Variants in DLC1 observed in about 807,000 individuals in gnomAD.
DLC1 encodes DLC1 Rho GTPase activating protein.
Under a neutral mutation model 140.3 loss-of-function variants are expected in DLC1, and 54 were observed. The ratio of observed to expected loss-of-function variants is 0.38; its 90% CI spans 0.31 to 0.48. DLC1 has a LOEUF of 0.48. Among genes scored for constraint, DLC1 ranks in the 20% least tolerant of loss-of-function variants. DLC1 has a pLI of 0.96. For missense variants in DLC1, 2,536 were observed against 1,907.0 expected (o/e 1.33, Z -6.14); for synonymous variants, 986 against 728.1 (o/e 1.35, Z -5.70).
chr8:13,328,797 G>C (rs1833474480), intron 4 of DLC1, among the ~76,000 whole-genome samples: 1 of 151,894 alleles, frequency 6.6e-6, no homozygotes, highest in South Asian at 2.1e-4. Context: ...GGGAAGACCA[G>C]AAAAGTGTGA....
At chr8:13,281,018 A>G (rs1831348496) in intron 5 of DLC1, among the ~76,000 whole-genome samples, 1 of 152,200 alleles carries the variant, frequency 6.6e-6, no homozygotes, top group Non-Finnish European at 1.5e-5. Flanking sequence ...TCCACTGTGT[A>G]GGTATCCAAT....
chr8:13,441,203 G>A (rs1315382529), intron 2 of DLC1, among the ~76,000 whole-genome samples: 3 of 152,118 alleles, frequency 2.0e-5, no homozygotes, highest in Non-Finnish European at 4.4e-5. Flanking sequence ...TTGATGGGAC[G>A]TATCTCAAAA....
chr8:13,453,408 A>ATATATATATATATATATATATGTG (rs1563359524), intron 2 of DLC1, among the ~76,000 whole-genome samples: 5 of 52,346 alleles, frequency 9.6e-5, no homozygotes, highest in African/African-American at 3.6e-4. Context: ...ATATGTGTAT[A>ATATATATATATATATATATATGTG]TATATATATA....
intron 4 of DLC1, among the ~76,000 whole-genome samples, chr8:13,349,072 C>T (rs758803181): frequency 1.1e-4 from 16 of 152,174 alleles, no homozygotes; most frequent in South Asian, 2.1e-4. Context: ...ATTTCCTGTC[C>T]GCCAATTCAA....
At chr8:13,118,023 T>G (rs1254646591) in intron 5 of DLC1, among the ~76,000 whole-genome samples, 3 of 83,152 alleles carry the variant, frequency 3.6e-5, no homozygotes, top group African/African-American at 9.8e-5. Flanking sequence ...TTTTTTTTTT[T>G]TTTTGAGACA....
At chr8:13,544,114 T>C (rs533475928) in intron 1 of DLC1, among the ~76,000 whole-genome samples, 1 of 152,240 alleles carries the variant, frequency 6.6e-6, no homozygotes, top group Admixed American at 6.6e-5. Flanking sequence ...GCATCCCATG[T>C]ATAATATATA....
intron 4 of DLC1, among the ~76,000 whole-genome samples, chr8:13,386,859 T>C (rs973915811): frequency 1.3e-5 from 2 of 152,042 alleles, no homozygotes; most frequent in Non-Finnish European, 2.9e-5. Context: ...TTTTGCCTAT[T>C]TTTCTTTCTA....
Position 13,479,802 on chromosome 8 carries a change from A to AAAGAAGAAGAAGAAGAAGAAG in DLC1, c.1023+19226_1023+19246dup, listed in dbSNP as rs60625191. On this transcript the variant is annotated intron_variant, in intron 2 of 17. Transcript: ENST00000276297. ...AAAAGAAAAGGAAAAGAAAGAAAGA[A>AAAGAAGAAGAAGAAGAAGAAG]AAGAAGAAGAAGAAGAAGAAGAAGA... is the stretch of plus-strand genomic sequence containing the variant. Among the ~76,000 whole-genome samples, 94 of 56,994 alleles carry AAAGAAGAAGAAGAAGAAGAAG rather than the reference A, an allele frequency of 1.6e-3. 1 individual carries two copies. Among genetic ancestry groups the AAAGAAGAAGAAGAAGAAGAAG allele is most frequent in the East Asian group, 0.01 (37 of 3,524 alleles). The allele number at this position is 56,994 out of a possible 152,430, so 37.4% of individuals were successfully genotyped here. A position where few individuals can be genotyped will look rare whatever the true frequency, so the allele number is the denominator to read the frequency against.
intron 1 of DLC1, among the ~76,000 whole-genome samples, chr8:13,581,575 A>T (rs142116380): frequency 1.3e-5 from 2 of 152,312 alleles, no homozygotes; most frequent in African/African-American, 4.8e-5. Flanking sequence ...AGGTCTTTAT[A>T]TCCACTGTCA....
chr8:13,500,727 G>T (rs1408244485), intron 1 of DLC1, among the ~76,000 whole-genome samples: 3 of 152,176 alleles, frequency 2.0e-5, no homozygotes, highest in Admixed American at 6.5e-5. Flanking sequence ...CGACCAGTAT[G>T]TAGTTACTCC....
chr8:13,229,092 G>T (rs977336131), intron 5 of DLC1, among the ~76,000 whole-genome samples: 10 of 152,104 alleles, frequency 6.6e-5, no homozygotes, highest in African/African-American at 2.4e-4. Flanking sequence ...ATACCCAAGA[G>T]CAACGAAAAT....
chr8:13,467,173 C>T (rs1799977168), intron 2 of DLC1, among the ~76,000 whole-genome samples: 4 of 152,174 alleles, frequency 2.6e-5, no homozygotes, highest in Admixed American at 2.6e-4. Flanking sequence ...TAAACTTTCA[C>T]AGGTTTGCTA....
chr8:13,527,422 A>C (rs545495582), intron 1 of DLC1, among the ~76,000 whole-genome samples: 1 of 152,172 alleles, frequency 6.6e-6, no homozygotes, highest in Non-Finnish European at 1.5e-5. Context: ...TGTTAGACAA[A>C]TGTTGCATTC....
intron 4 of DLC1, among the ~76,000 whole-genome samples, chr8:13,311,019 G>A (rs73562517): frequency 0.022 from 3,403 of 152,156 alleles, 47 homozygotes; most frequent in African/African-American, 0.041. Flanking sequence ...TAATAGACAT[G>A]CATACATTTA....
chr8:13,376,689 T>A (rs1836006744), intron 4 of DLC1, among the ~76,000 whole-genome samples: 1 of 152,242 alleles, frequency 6.6e-6, no homozygotes, highest in Non-Finnish European at 1.5e-5. Flanking sequence ...AGTTTGTGTC[T>A]TTCTGTAGAA....
At chr8:13,347,779 T>C (rs996232756) in intron 4 of DLC1, among the ~76,000 whole-genome samples, 8 of 152,150 alleles carry the variant, frequency 5.3e-5, no homozygotes. Flanking sequence ...AAGGTGCTTT[T>C]TATAAGAATA....
chr8:13,129,901 A>C (rs1821931671), intron 5 of DLC1, among the ~76,000 whole-genome samples: 4 of 152,146 alleles, frequency 2.6e-5, no homozygotes, highest in Non-Finnish European at 1.5e-5. Context: ...TATTGTCTGG[A>C]GTCTTTCAGG....
At chr8:13,150,716 T>C (rs1823742682) in intron 5 of DLC1, among the ~76,000 whole-genome samples, 1 of 152,222 alleles carries the variant, frequency 6.6e-6, no homozygotes. Context: ...TGCTTTTCAG[T>C]AACAGTTTAA....
chr8:13,362,916 C>G (rs536849132), intron 4 of DLC1, among the ~76,000 whole-genome samples: 1 of 152,284 alleles, frequency 6.6e-6, no homozygotes, highest in Non-Finnish European at 1.5e-5. Context: ...AGAGGCCTTT[C>G]CAGACCATCC....
Sources: allele counts gnomAD v4.1 joint callset (sites outside exome capture counted in the v4.1 genomes callset), GRCh38; gene constraint gnomAD v4.1.1; transcripts MANE v1.5; gene names NCBI Gene and HGNC (gene_info 2026-07-23, HGNC 2026-07-21).